The following EFNA5 variants were observed in gnomAD, a reference collection of about 807,000 sequenced individuals.
EFNA5 encodes ephrin A5, also known as ephrin-A5.
A neutral mutation model predicts 22.9 loss-of-function variants in EFNA5; 5 were observed. That is an observed-to-expected ratio of 0.22 (90% CI 0.11 to 0.46). The LOEUF is 0.46. EFNA5 is among the 20% of genes least tolerant of loss of function. EFNA5 has a pLI of 0.99. For missense variants in EFNA5, 237 were observed against 293.3 expected (o/e 0.81, Z 1.40); for synonymous variants, 113 against 112.2 (o/e 1.01, Z -0.04).
intron 1 of EFNA5, among the ~76,000 whole-genome samples, chr5:107,652,972 C>T (rs1051001738): frequency 6.6e-6 from 1 of 152,006 alleles, no homozygotes; most frequent in African/African-American, 2.4e-5. Flanking sequence ...GCATATGGTT[C>T]TCCCTCACCC....
chr5:107,495,059 G>T (rs1307268116), intron 1 of EFNA5, among the ~76,000 whole-genome samples: 3 of 152,130 alleles, frequency 2.0e-5, no homozygotes, highest in Admixed American at 2.0e-4. Flanking sequence ...GATGTGGGTG[G>T]GGCCACATAA....
chr5:107,587,542 A>C (rs1046288216), intron 1 of EFNA5, among the ~76,000 whole-genome samples: 18 of 152,034 alleles, frequency 1.2e-4, no homozygotes, highest in Admixed American at 6.6e-5. Context: ...TTTGAGATGG[A>C]GTCTTGCGCT....
At chr5:107,643,363 G>A (rs1429907373) in intron 1 of EFNA5, among the ~76,000 whole-genome samples, 1 of 152,180 alleles carries the variant, frequency 6.6e-6, no homozygotes, top group Non-Finnish European at 1.5e-5. Flanking sequence ...CAAGTGGGTT[G>A]AGAAATCATA....
At chr5:107,458,072 A>C (rs3909464) in intron 1 of EFNA5, among the ~76,000 whole-genome samples, 18,868 of 152,178 alleles carry the variant, frequency 0.12, 1,241 homozygotes, top group Middle Eastern at 0.15. Context: ...ATTTTCTACT[A>C]TACGTTGATC....
chr5:107,427,896 T>C (rs1278726307), intron 1 of EFNA5, among the ~76,000 whole-genome samples: 1 of 152,178 alleles, frequency 6.6e-6, no homozygotes, highest in Non-Finnish European at 1.5e-5. Flanking sequence ...TATAATAGTG[T>C]TTCACTTGAT....
intron 1 of EFNA5, among the ~76,000 whole-genome samples, chr5:107,470,718 T>C (rs191628356): frequency 6.6e-6 from 1 of 152,288 alleles, no homozygotes; most frequent in Admixed American, 6.5e-5. Flanking sequence ...AACTAAACTT[T>C]TTGAAATTTC....
intron 1 of EFNA5, among the ~76,000 whole-genome samples, chr5:107,504,378 A>G (rs1330952952): frequency 3.9e-5 from 6 of 152,168 alleles, no homozygotes; most frequent in African/African-American, 1.4e-4. Flanking sequence ...AAGAGGATAC[A>G]TTTTTAGTGA....
At chr5:107,531,207 C>G (rs555866589) in intron 1 of EFNA5, among the ~76,000 whole-genome samples, 1 of 152,224 alleles carries the variant, frequency 6.6e-6, no homozygotes, top group South Asian at 2.1e-4. Flanking sequence ...GTAAGCTCAC[C>G]CTGGATCAGT....
intron 1 of EFNA5, among the ~76,000 whole-genome samples, chr5:107,575,179 A>G (rs1748901525): frequency 6.6e-6 from 1 of 152,258 alleles, no homozygotes; most frequent in Non-Finnish European, 1.5e-5. Flanking sequence ...GAGATCCAAG[A>G]GGTGAAAAGC....
At chr5:107,538,721 A>G (rs1747978687) in intron 1 of EFNA5, among the ~76,000 whole-genome samples, 1 of 152,226 alleles carries the variant, frequency 6.6e-6, no homozygotes, top group African/African-American at 2.4e-5. Context: ...GGCATAGAAG[A>G]TTCAAGAAGA....
intron 1 of EFNA5, among the ~76,000 whole-genome samples, chr5:107,609,385 G>A (rs901342864): frequency 1.3e-5 from 2 of 152,110 alleles, no homozygotes; most frequent in Non-Finnish European, 2.9e-5. Context: ...AAAGCTAACC[G>A]TCTGCCATGC....
chr5:107,610,926 T>C (rs1749810510), intron 1 of EFNA5, among the ~76,000 whole-genome samples: 1 of 152,120 alleles, frequency 6.6e-6, no homozygotes, highest in Admixed American at 6.6e-5. Flanking sequence ...GCTATTTCAG[T>C]GTTATTCCCG....
intron 1 of EFNA5, among the ~76,000 whole-genome samples, chr5:107,521,284 C>CTTAT (rs150251506): frequency 5.9e-5 from 9 of 151,462 alleles, no homozygotes; most frequent in Non-Finnish European, 1.2e-4. Context: ...TATGTATTTA[C>CTTAT]TTATTTATTT....
chr5:107,542,614 G>T (rs1001490998), intron 1 of EFNA5, among the ~76,000 whole-genome samples: 1 of 151,970 alleles, frequency 6.6e-6, no homozygotes, highest in Non-Finnish European at 1.5e-5. Flanking sequence ...CTTCTCTGCC[G>T]GCAAATATGA....
intron 2 of EFNA5, among the ~76,000 whole-genome samples, chr5:107,417,511 A>C (rs1307670996): frequency 1.3e-5 from 2 of 152,160 alleles, no homozygotes; most frequent in Non-Finnish European, 2.9e-5. Flanking sequence ...ATCCCCAGAA[A>C]CCATATTTCA....
intron 1 of EFNA5, among the ~76,000 whole-genome samples, chr5:107,497,518 A>G (rs1257226486): frequency 1.3e-5 from 2 of 152,178 alleles, no homozygotes; most frequent in Non-Finnish European, 2.9e-5. Flanking sequence ...ATTAAATGGG[A>G]ACCTGTCTGG....
intron 1 of EFNA5, among the ~76,000 whole-genome samples, chr5:107,475,309 T>C (rs147695397): frequency 1.3e-4 from 20 of 152,350 alleles, no homozygotes; most frequent in Admixed American, 4.6e-4. Flanking sequence ...TCATTTCACA[T>C]ACTTCACACT....
intron 2 of EFNA5, among the ~76,000 whole-genome samples, chr5:107,416,031 T>C (rs1748496180): frequency 6.6e-6 from 1 of 152,322 alleles, no homozygotes; most frequent in South Asian, 2.1e-4. Context: ...TGAAGAGACA[T>C]ATACTTTCAA....
At chr5:107,640,665 G>A (rs948074877) in intron 1 of EFNA5, among the ~76,000 whole-genome samples, 4 of 152,226 alleles carry the variant, frequency 2.6e-5, no homozygotes, top group African/African-American at 9.6e-5. Context: ...CATGGAGGCA[G>A]CCAGCCCTGT....
Sources: allele counts gnomAD v4.1 joint callset (sites outside exome capture counted in the v4.1 genomes callset), GRCh38; gene constraint gnomAD v4.1.1; transcripts MANE v1.5; gene names NCBI Gene and HGNC (gene_info 2026-07-23, HGNC 2026-07-21).